XRRA1: variants seen among roughly 807,000 people sequenced by gnomAD.
XRRA1 encodes X-ray radiation resistance associated 1, also known as X-ray radiation resistance-associated protein 1.
Under a neutral mutation model 80.2 loss-of-function variants are expected in XRRA1, and 69 were observed. The ratio of observed to expected loss-of-function variants is 0.86; its 90% CI spans 0.71 to 1.05. XRRA1 has a LOEUF of 1.05. Among genes scored for constraint, XRRA1 ranks in the 50% least tolerant of loss-of-function variants. The pLI is 0.00. For missense variants in XRRA1, 967 were observed against 976.4 expected (o/e 0.99, Z 0.13); for synonymous variants, 348 against 389.9 (o/e 0.89, Z 1.27).
At chr11:74,879,327 T>A (rs1394293298) in intron 10 of XRRA1, among the ~76,000 whole-genome samples, 1 of 152,100 alleles carries the variant, frequency 6.6e-6, no homozygotes, top group African/African-American at 2.4e-5. Flanking sequence ...ATCCTGAGAC[T>A]TTGCTGAAGT....
intron 10 of XRRA1, among the ~76,000 whole-genome samples, chr11:74,900,555 C>A (rs2053398320): frequency 6.6e-6 from 1 of 151,920 alleles, no homozygotes; most frequent in Non-Finnish European, 1.5e-5. Context: ...GCACTCCAGC[C>A]TTGGCAACAA....
At position 74,912,088 on chromosome 11, in the gene XRRA1, C is replaced by A. The variant is rs370126085; in HGVS notation, c.657-4815G>T. ...GACTGGTCCTCTTGCAAAACTGTAGCCCAAATCTGTATCATCAGAGTGATT... is the reference window on the plus strand; with the variant it reads ...GACTGGTCCTCTTGCAAAACTGTAGACCAAATCTGTATCATCAGAGTGATT... On this transcript the variant is annotated intron_variant, in intron 8 of 18. Coordinates refer to ENST00000684022, the MANE Select transcript of XRRA1 (RefSeq NM_001378157.1). 2.8e-4 allele frequency among the ~76,000 whole-genome samples: 43 copies of A among 152,228 alleles called. 1 individual carries two copies. The East Asian group carries it at 4.8e-3, about 17-fold the overall frequency.
intron 8 of XRRA1, chr11:74,913,518 C>T (rs2056337656): frequency 6.6e-6 from 1 of 152,172 alleles, no homozygotes; most frequent in Admixed American, 6.5e-5. Context: ...CAACCAAGCC[C>T]CTGGCACTGT....
chr11:74,929,008 T>C (rs143423574), intron 6 of XRRA1, among the ~76,000 whole-genome samples: 7 of 152,256 alleles, frequency 4.6e-5, no homozygotes, highest in African/African-American at 1.4e-4. Flanking sequence ...ATTAGTGAGG[T>C]TGAACACCTT....
At chr11:74,886,236 G>C (rs539117437) in intron 10 of XRRA1, among the ~76,000 whole-genome samples, 41 of 152,168 alleles carry the variant, frequency 2.7e-4, no homozygotes, top group Non-Finnish European at 5.9e-5. Context: ...AGAAAGAAAT[G>C]AGAGGCCTCC....
At chr11:74,935,153 C>T (rs1239522651) in intron 4 of XRRA1, among the ~76,000 whole-genome samples, 6 of 152,088 alleles carry the variant, frequency 3.9e-5, no homozygotes, top group African/African-American at 1.2e-4. Context: ...GGAGGGGGAC[C>T]GGTTTTGGAA....
At chr11:74,912,297 C>G (rs1368375994) in intron 8 of XRRA1, among the ~76,000 whole-genome samples, 1 of 152,128 alleles carries the variant, frequency 6.6e-6, no homozygotes, top group African/African-American at 2.4e-5. Context: ...CTTAAGATAC[C>G]TGGGAACTAA....
chr11:74,873,093 C>G (rs2045242461), intron 10 of XRRA1, among the ~76,000 whole-genome samples: 1 of 152,094 alleles, frequency 6.6e-6, no homozygotes, highest in Non-Finnish European at 1.5e-5. Context: ...TATTATTAAT[C>G]CAGAAGGGTG....
intron 8 of XRRA1, 45 bp downstream of exon 8, chr11:74,921,169 T>C (rs1162405086): frequency 6.2e-7 from 1 of 1,603,496 alleles, no homozygotes; most frequent in South Asian, 1.1e-5. Context: ...TCCTTGGATA[T>C]TTGTACACAA....
At chr11:74,882,871 C>G (rs567244635) in intron 10 of XRRA1, among the ~76,000 whole-genome samples, 1 of 152,362 alleles carries the variant, frequency 6.6e-6, no homozygotes, top group African/African-American at 2.4e-5. Context: ...TGCCTGTTCT[C>G]AGATCTCCAG....
At chr11:74,845,414 G>C in intron 15 of XRRA1, 143 bp from the exon 16 acceptor site, 1 of 824,682 alleles carries the variant, frequency 1.2e-6, no homozygotes, top group South Asian at 1.8e-5. Context: ...GAAGAAAGCA[G>C]ATATAAAAAT....
In XRRA1 at chr11:74,890,843, G is replaced by A. The variant is rs1312832209; in HGVS notation, c.1003+15396C>T. Among the ~76,000 whole-genome samples the A allele has an allele frequency of 2.0e-5, 3 of 151,970 alleles. No individual in the cohort carries two copies. In the East Asian group the frequency reaches 5.8e-4, roughly 29 times the overall value. On this transcript the variant is annotated intron_variant, in intron 10 of 18. Transcript: ENST00000684022. ...TCCTCAACACATACACCCTCCCAAG[G>A]CTAAACCAGGAAGAAGTTGAATCTC...
rs1483363800 is a variant in XRRA1, at chr11:74,841,341, T to G, written c.*1859A>C. On this transcript the variant is annotated 3_prime_UTR_variant, in exon 19 of 19. Coordinates refer to ENST00000684022, the MANE Select transcript of XRRA1 (RefSeq NM_001378157.1). ...GATTCTAGGGAAAGTGCTGAAGAGA[T>G]TTTCTTCTGAAGATGATCTAGGAAA... 6.6e-6 allele frequency: 1 copy of G among 152,124 alleles called. No individual in the cohort carries two copies. The allele number at this position is 152,124 out of a possible 1,614,324, so 9.4% of individuals were successfully genotyped here. A position where few individuals can be genotyped will look rare whatever the true frequency, so the allele number is the denominator to read the frequency against.
At chr11:74,936,748 G>A (rs1945082647) in intron 4 of XRRA1, 136 bp downstream of exon 4, 13 of 1,129,500 alleles carry the variant, frequency 1.2e-5, no homozygotes, top group Middle Eastern at 3.1e-4. Context: ...TATCCTGGCT[G>A]TACTCAATTT....
chr11:74,882,752 T>C (rs2047965283), intron 10 of XRRA1, among the ~76,000 whole-genome samples: 1 of 151,692 alleles, frequency 6.6e-6, no homozygotes, highest in Non-Finnish European at 1.5e-5. Context: ...GCTGCAGGTC[T>C]GTTGGAGTAC....
chr11:74,844,966 C>A, intron 16 of XRRA1, 107 bp downstream of exon 16: 1 of 1,128,406 alleles, frequency 8.9e-7, no homozygotes, highest in Non-Finnish European at 1.3e-6. Flanking sequence ...GAGGACAGCA[C>A]CCTAGTTGGG....
intron 1 of XRRA1, 147 bp from the exon 2 acceptor site, chr11:74,945,232 A>G (rs1004964894): frequency 1.0e-4 from 16 of 152,442 alleles, no homozygotes; most frequent in Non-Finnish European, 1.8e-4. Flanking sequence ...CAAGAAACAG[A>G]TAGATACCAA....
chr11:74,881,330 A>T (rs1230099577), intron 10 of XRRA1, among the ~76,000 whole-genome samples: 1 of 150,976 alleles, frequency 6.6e-6, no homozygotes, highest in Non-Finnish European at 1.5e-5. Context: ...ATCTTCCTCC[A>T]TCCTTTTATT....
intron 10 of XRRA1, among the ~76,000 whole-genome samples, chr11:74,874,690 G>C (rs1283268080): frequency 3.3e-5 from 5 of 152,072 alleles, no homozygotes; most frequent in African/African-American, 1.2e-4. Context: ...ATATTAGAAG[G>C]GTCTACAATC....
Sources: allele counts gnomAD v4.1 joint callset (sites outside exome capture counted in the v4.1 genomes callset), GRCh38; gene constraint gnomAD v4.1.1; transcripts MANE v1.5; gene names NCBI Gene and HGNC (gene_info 2026-07-23, HGNC 2026-07-21).